Variants in CCND3 observed in about 807,000 individuals in gnomAD.
The protein encoded by CCND3 is cyclin D3.
Under a neutral mutation model 28.7 loss-of-function variants are expected in CCND3, and 9 were observed. That is an observed-to-expected ratio of 0.31 (90% CI 0.19 to 0.55). CCND3 has a LOEUF of 0.55. CCND3 is among the 20% of genes least tolerant of loss of function. CCND3 has a pLI of 0.93. For missense variants in CCND3, 315 were observed against 385.8 expected, an observed-to-expected ratio of 0.82 and a Z score of 1.54; for synonymous variants, 164 against 163.9, an observed-to-expected ratio of 1.00 and a Z score of 0.00.
At chr6:41,942,874 T>G (rs78714711), upstream of CCND3, among the ~76,000 whole-genome samples, 1 of 37,478 alleles carries the variant, frequency 2.7e-5, no homozygotes, top group East Asian at 4.1e-4. Context: ...TAATTATTCT[T>G]TTTTTTTTTT....
chr6:41,987,687 A>G (rs1479717595), intron 1 of CCND3, among the ~76,000 whole-genome samples: 2 of 150,308 alleles, frequency 1.3e-5, no homozygotes, highest in Non-Finnish European at 3.0e-5. Context: ...TTTTTAATAG[A>G]GAGGGGGTCT....
chr6:41,957,380 G>C (rs1776464408), intron 1 of CCND3, among the ~76,000 whole-genome samples: 1 of 152,120 alleles, frequency 6.6e-6, no homozygotes, highest in African/African-American at 2.4e-5. Context: ...TTTTATCTCA[G>C]CCCTAGCACT....
chr6:41,954,555 A>G lies in CCND3; in HGVS notation c.-45-13970T>C, dbSNP rs1582103590. Among the ~76,000 whole-genome samples, 4 of 151,236 alleles carry G rather than the reference A, an allele frequency of 2.6e-5. No individual in the cohort carries two copies. The South Asian group carries it at 8.3e-4, about 31-fold the overall frequency. On this transcript the variant is annotated intron_variant, in intron 1 of 4. Transcript: ENST00000372988. Reference sequence around the variant, plus strand: ...TGACAGAGCAAGACTCTGTCTCAAAAAAAAAAAAAAAAAATTTTGTTTAGA... The same window carrying G: ...TGACAGAGCAAGACTCTGTCTCAAAGAAAAAAAAAAAAAATTTTGTTTAGA...
rs1162061126 is a variant in CCND3, at chr6:41,941,203, T to A, written c.198+249A>T. ...GGGAGAGAGTGTCCTTGGTCCCGTT[T>A]GCTCGGCCCGAAGAGAGGCACAGTT... On this transcript the variant is annotated intron_variant, in intron 1 of 4. Transcript: ENST00000372991. The surrounding 1 kb of genome is among the most constrained non-coding windows in gnomAD (Gnocchi z 6.1). 7.0e-7 allele frequency: 1 copy of A among 1,437,122 alleles called. No individual in the cohort carries two copies. Among genetic ancestry groups the A allele is most frequent in the Non-Finnish European group, 9.1e-7 (1 of 1,100,052 alleles). 89.0% of individuals were successfully genotyped at this position (1,437,122 alleles called of 1,614,324 possible).
intron 1 of CCND3, among the ~76,000 whole-genome samples, chr6:41,987,507 CTCTCTCTCTCTG>C (rs1243279684): frequency 0.017 from 1,053 of 63,182 alleles, 16 homozygotes; most frequent in African/African-American, 0.059. Context: ...CTCTCTCTCT[CTCTCTCTCTCTG>C]TGTGTGTGTG....
intron 1 of CCND3, among the ~76,000 whole-genome samples, chr6:42,005,666 T>A (rs1288728380): frequency 6.6e-6 from 1 of 150,984 alleles, no homozygotes; most frequent in Non-Finnish European, 1.5e-5. Context: ...TTGATAACCC[T>A]CGGCAACATG....
Position 41,936,414 on chromosome 6 carries a change from A to G in CCND3, c.711+145T>C. 1 of 948,068 alleles carries G rather than the reference A, an allele frequency of 1.1e-6. No homozygotes were observed. The allele number at this position is 948,068 out of a possible 1,614,324, so 58.7% of individuals were successfully genotyped here. On this transcript the variant is annotated intron_variant, in intron 4 of 4. Coordinates refer to ENST00000372991, the MANE Select transcript of CCND3 (RefSeq NM_001760.5). This position sits in a 1 kb window ranked among gnomAD's most constrained non-coding sequence, Gnocchi z 4.4. ...TACTTGCTCTTCCCCAGACCAAGGC[A>G]GGAGATAAAAAGCCACAAAGCCCCA...
intron 1 of CCND3, among the ~76,000 whole-genome samples, chr6:41,970,238 C>G (rs1762000267): frequency 1.3e-5 from 2 of 152,046 alleles, no homozygotes; most frequent in African/African-American, 4.8e-5. Context: ...GCTTGGGAGG[C>G]TGAGGCAGGA....
In CCND3 at chr6:41,936,060, C is replaced by T. The variant is rs33966734; in HGVS notation, c.759G>A (p.Glu253=). ...TGGTCTGAGAGGCTTCCCTGAGGCT[C>T]TCCCTGAGTGCAGCTTCGATCTGCT... is the stretch of plus-strand genomic sequence containing the variant. ...CQEQIEAALR[E]SLREASQTSS... is the part of the protein sequence containing the mutation. The change falls in exon 5 of 5, where the codon GAG becomes GAA. Residue 253 remains glutamate (E), a synonymous_variant. Transcript: ENST00000372991. This position sits in a 1 kb window ranked among gnomAD's most constrained non-coding sequence, Gnocchi z 4.4. 6 of 1,612,136 alleles carry T rather than the reference C, an allele frequency of 3.7e-6. No individual in the cohort carries two copies. Among genetic ancestry groups the T allele is most frequent in the African/African-American group, 1.3e-5 (1 of 74,870 alleles).
chr6:42,021,969 A>G (rs1324608248), intron 1 of CCND3, among the ~76,000 whole-genome samples: 1 of 152,228 alleles, frequency 6.6e-6, no homozygotes, highest in Non-Finnish European at 1.5e-5. Flanking sequence ...CACAGGGAAG[A>G]GAGACGGAGA....
At chr6:41,976,308 C>T (rs1255933713) in intron 1 of CCND3, among the ~76,000 whole-genome samples, 1 of 151,648 alleles carries the variant, frequency 6.6e-6, no homozygotes, top group African/African-American at 2.4e-5. Context: ...GCTGAGATCT[C>T]ACCACTGCAC....
intron 1 of CCND3, among the ~76,000 whole-genome samples, chr6:41,970,111 C>T (rs192968819): frequency 2.6e-5 from 4 of 152,016 alleles, no homozygotes; most frequent in South Asian, 2.1e-4. Flanking sequence ...GAGACCAAGG[C>T]GGGTGGATCA....
intron 1 of CCND3, among the ~76,000 whole-genome samples, chr6:41,960,095 C>T (rs1761680437): frequency 6.6e-6 from 1 of 152,156 alleles, no homozygotes; most frequent in African/African-American, 2.4e-5. Context: ...CGGATGAGTC[C>T]TGAAACCATC....
At chr6:41,976,209 G>A (rs897817266) in intron 1 of CCND3, among the ~76,000 whole-genome samples, 8 of 152,066 alleles carry the variant, frequency 5.3e-5, no homozygotes, top group African/African-American at 1.7e-4. Flanking sequence ...AAAATTAGCT[G>A]GGCATGGTGG....
upstream of CCND3, chr6:41,941,917 T>C (rs1465541232): frequency 1.5e-5 from 3 of 195,384 alleles, no homozygotes; most frequent in Non-Finnish European, 3.1e-5. The surrounding 1 kb of genome is among the most constrained non-coding windows in gnomAD (Gnocchi z 6.1). Context: ...GGCTGAGCGC[T>C]CTCCCCTCCC....
intron 1 of CCND3, among the ~76,000 whole-genome samples, chr6:41,984,728 G>A (rs895905011): frequency 1.3e-5 from 2 of 152,110 alleles, no homozygotes; most frequent in Admixed American, 6.5e-5. Context: ...TCCCACCAAC[G>A]GGACTGTGTG....
chr6:41,961,011 G>C (rs745368330), intron 1 of CCND3, among the ~76,000 whole-genome samples: 1 of 152,160 alleles, frequency 6.6e-6, no homozygotes, highest in Non-Finnish European at 1.5e-5. Context: ...TCATGTGCAG[G>C]GGAAGAGGAC....
chr6:42,045,656 C>A (rs934429731), intron 1 of CCND3, among the ~76,000 whole-genome samples: 25 of 152,222 alleles, frequency 1.6e-4, no homozygotes, highest in African/African-American at 5.8e-4. Context: ...GTTCCAATGC[C>A]ATTTCTAGCA....
At chr6:42,014,136 C>G (rs185007357) in intron 1 of CCND3, among the ~76,000 whole-genome samples, 4 of 151,378 alleles carry the variant, frequency 2.6e-5, no homozygotes, top group African/African-American at 7.3e-5. Context: ...GAGGCCAAGG[C>G]GGGTGGATCA....
Sources: gnomAD v4.1 joint callset for allele counts (sites outside exome capture counted in the v4.1 genomes callset) on GRCh38, gnomAD v4.1.1 for gene constraint, Gnocchi (gnomAD v3.1) non-coding constraint, MANE v1.5 for transcripts, NCBI Gene and HGNC (gene_info 2026-07-23, HGNC 2026-07-21) for gene names.